Variants in TMEM132D observed in about 807,000 individuals in gnomAD.
The protein encoded by TMEM132D is mature OL transmembrane protein.
TMEM132D carries 21 observed loss-of-function variants against 62.3 expected under a neutral mutation model. The ratio of observed to expected loss-of-function variants is 0.34; its 90% confidence interval spans 0.24 to 0.49. The LOEUF (loss-of-function observed/expected upper bound fraction) is 0.49, where lower values mean the gene tolerates loss of function less well. TMEM132D is among the 20% of genes least tolerant of loss of function. The probability of loss-of-function intolerance (pLI) is 0.99; values close to 1 mark genes in which losing one functional copy is unlikely to be tolerated. For missense variants in TMEM132D, 1,346 were observed against 1,402.8 expected (o/e 0.96, Z 0.65); for synonymous variants, 621 against 575.6 (o/e 1.08, Z -1.13).
At chr12:129,695,211 T>C (rs1411831273) in intron 2 of TMEM132D, among the ~76,000 whole-genome samples, 1 of 152,168 alleles carries the variant, frequency 6.6e-6, no homozygotes, top group African/African-American at 2.4e-5. Flanking sequence ...TGCAGTCTCC[T>C]GGATGGGATC....
intron 3 of TMEM132D, among the ~76,000 whole-genome samples, chr12:129,487,699 G>T (rs182383270): frequency 1.3e-5 from 2 of 152,076 alleles, no homozygotes; most frequent in Non-Finnish European, 2.9e-5. Context: ...TTGGGAGGCC[G>T]AGGCGGGCGG....
intron 1 of TMEM132D, among the ~76,000 whole-genome samples, chr12:129,876,266 T>A (rs61942117): frequency 0.035 from 5,255 of 152,298 alleles, 145 homozygotes; most frequent in South Asian, 0.098. Context: ...GGTCTTAGCA[T>A]CCTCATCACC....
rs115175962 is a variant in TMEM132D, at chr12:129,564,550, C to T, written c.969-33345G>A. ...ACTCAACTTTCTTTTACCCTTCTTTCGTTAAAGCAATTCACTTGTATTTCT... is the reference window on the plus strand; with the variant it reads ...ACTCAACTTTCTTTTACCCTTCTTTTGTTAAAGCAATTCACTTGTATTTCT... On this transcript the variant is annotated intron_variant, in intron 2 of 8. Coordinates refer to ENST00000422113, the MANE Select transcript of TMEM132D (RefSeq NM_133448.3). 5.8e-3 allele frequency among the ~76,000 whole-genome samples: 882 copies of T among 152,278 alleles called. 6 individuals carry two copies. The highest frequency in any genetic ancestry group is 0.02 in the African/African-American group (842 of 41,560).
intron 4 of TMEM132D, among the ~76,000 whole-genome samples, chr12:129,296,776 C>A (rs1049281634): frequency 6.6e-6 from 1 of 152,118 alleles, no homozygotes; most frequent in African/African-American, 2.4e-5. Context: ...GGGGTGTCAG[C>A]CCCCAGAGCA....
At chr12:129,487,867 G>A (rs1874634151) in intron 3 of TMEM132D, among the ~76,000 whole-genome samples, 1 of 149,338 alleles carries the variant, frequency 6.7e-6, no homozygotes, top group South Asian at 2.2e-4. Flanking sequence ...AACCCGGGAG[G>A]TGGAGCTTGC....
intron 4 of TMEM132D, among the ~76,000 whole-genome samples, chr12:129,269,296 G>T (rs1880786843): frequency 6.6e-6 from 1 of 151,880 alleles, no homozygotes; most frequent in Admixed American, 6.6e-5. Flanking sequence ...AGTCTAAGTT[G>T]GTCCTTTCTA....
intron 4 of TMEM132D, among the ~76,000 whole-genome samples, chr12:129,313,635 C>A (rs181118190): frequency 6.6e-6 from 1 of 151,944 alleles, no homozygotes; most frequent in South Asian, 2.1e-4. Context: ...GATGGTTCCA[C>A]GATTTTGCAA....
chr12:129,094,908 C>G (rs1258017912), intron 5 of TMEM132D, among the ~76,000 whole-genome samples: 1 of 151,876 alleles, frequency 6.6e-6, no homozygotes, highest in Non-Finnish European at 1.5e-5. Context: ...TGGAAACCAC[C>G]ATTCTCAGCA....
intron 1 of TMEM132D, among the ~76,000 whole-genome samples, chr12:129,860,520 C>T (rs541225152): frequency 6.6e-6 from 1 of 152,334 alleles, no homozygotes; most frequent in Non-Finnish European, 1.5e-5. Flanking sequence ...TTCTCAATCT[C>T]TTAAAGCGTT....
rs558831156 is a variant in TMEM132D, at chr12:129,159,719, C to A, written c.1443+49801G>T. 6.9e-5 allele frequency among the ~76,000 whole-genome samples: 10 copies of A among 145,558 alleles called. 1 individual carries two copies. In the South Asian group the frequency reaches 2.2e-3, roughly 31 times the overall value. On this transcript the variant is annotated intron_variant, in intron 5 of 8. Transcript: ENST00000422113. ...GAGGTTGCAGTGAGCCTAGATTGTG[C>A]CACTGGACTCCAGCCTGGTGGACAG...
rs2135620063 is a variant in TMEM132D at position 129,084,685 on chromosome 12, G to A, written c.1461C>T (p.Asp487=). ...TTTCTTTCCCATTGACAAAGACGTAGTCACATCTGTCAGAAACCTGTGAAG... is the reference window on the plus strand; with the variant it reads ...TTTCTTTCCCATTGACAAAGACGTAATCACATCTGTCAGAAACCTGTGAAG... ...EDVIKVSDRC[D]YVFVNGKEMK... The change falls in exon 6 of 9, where the codon GAC becomes GAT. Residue 487 remains aspartate (D), a synonymous_variant. Transcript: ENST00000422113. 1 of 1,614,072 alleles carries A rather than the reference G, an allele frequency of 6.2e-7. No individual in the cohort carries two copies. Among genetic ancestry groups the A allele is most frequent in the Non-Finnish European group, 8.5e-7 (1 of 1,179,998 alleles).
At chr12:129,171,392 G>GCTGGAAACAACTAAGTT (rs1468809157) in intron 5 of TMEM132D, among the ~76,000 whole-genome samples, 7 of 152,114 alleles carry the variant, frequency 4.6e-5, no homozygotes, top group African/African-American at 1.7e-4. Flanking sequence ...ATCTAGTGGG[G>GCTGGAAACAACTAAGTT]CTGGAAACAA....
intron 1 of TMEM132D, among the ~76,000 whole-genome samples, chr12:129,790,413 C>T (rs1871369448): frequency 1.3e-5 from 2 of 152,060 alleles, no homozygotes; most frequent in South Asian, 2.1e-4. Context: ...CCAATGAAAG[C>T]GGCTCTCAGC....
At chr12:129,577,101 G>A (rs1293104721) in intron 2 of TMEM132D, among the ~76,000 whole-genome samples, 4 of 151,922 alleles carry the variant, frequency 2.6e-5, no homozygotes, top group East Asian at 1.9e-4. Context: ...TGGTGTCACC[G>A]AAGGTTTACA....
chr12:129,452,776 T>C (rs1404442666), intron 3 of TMEM132D, among the ~76,000 whole-genome samples: 1 of 152,140 alleles, frequency 6.6e-6, no homozygotes, highest in Admixed American at 6.5e-5. Context: ...TTTCTGCCAA[T>C]TTCGTCTGAT....
chr12:129,185,727 G>C (rs375730968), intron 5 of TMEM132D, among the ~76,000 whole-genome samples: 48 of 149,874 alleles, frequency 3.2e-4, no homozygotes, highest in African/African-American at 1.1e-3. Context: ...CTATCTATCT[G>C]TCTATCTATC....
chr12:129,876,205 C>T (rs903179442), intron 1 of TMEM132D, among the ~76,000 whole-genome samples: 1 of 152,254 alleles, frequency 6.6e-6, no homozygotes, highest in East Asian at 1.9e-4. Context: ...AGAAGTGAGC[C>T]GAGAAATGTT....
intron 1 of TMEM132D, among the ~76,000 whole-genome samples, chr12:129,770,009 G>T (rs1185875958): frequency 6.6e-6 from 1 of 151,902 alleles, no homozygotes; most frequent in Non-Finnish European, 1.5e-5. Context: ...TGTGGAGATG[G>T]GGGTCTTGAT....
At position 129,371,187 on chromosome 12, in the gene TMEM132D, A is replaced by G. The variant is rs1870586829; in HGVS notation, c.1116-33370T>C. 6.6e-6 allele frequency among the ~76,000 whole-genome samples: 1 copy of G among 152,140 alleles called. No homozygotes were observed. Among genetic ancestry groups the G allele is most frequent in the African/African-American group, 2.4e-5 (1 of 41,408 alleles). ...AAAAGACTTGCTAAAACAAAGTCACACTGACTAAGTTTTCAAAAATATTAC... is the reference window on the plus strand; with the variant it reads ...AAAAGACTTGCTAAAACAAAGTCACGCTGACTAAGTTTTCAAAAATATTAC... On this transcript the variant is annotated intron_variant, in intron 3 of 8. Transcript: ENST00000422113. The surrounding 1 kb of genome is among the most constrained non-coding windows in gnomAD (Gnocchi z 4.3).
Sources: gnomAD v4.1 joint callset for allele counts (sites outside exome capture counted in the v4.1 genomes callset) on GRCh38, gnomAD v4.1.1 for gene constraint, Gnocchi (gnomAD v3.1) non-coding constraint, MANE v1.5 for transcripts, NCBI Gene and HGNC (gene_info 2026-07-23, HGNC 2026-07-21) for gene names.